The following KDR variants were observed in gnomAD, a reference collection of about 807,000 sequenced individuals.
KDR encodes the protein kinase insert domain receptor, also known as vascular endothelial growth factor receptor 2.
Under a neutral mutation model 160.9 loss-of-function variants are expected in KDR, and 43 were observed. That is an observed-to-expected ratio of 0.27 (90% CI 0.21 to 0.34). KDR has a LOEUF of 0.34. Ranked by LOEUF, KDR falls within the 10% of genes least tolerant of loss-of-function variation. The pLI is 1.00. For synonymous variants in KDR, 617 were observed against 600.1 expected, an observed-to-expected ratio of 1.03 and a Z score of -0.41; for missense variants, 1,469 against 1,666.4, an observed-to-expected ratio of 0.88 and a Z score of 2.06.
intron 27 of KDR, among the ~76,000 whole-genome samples, chr4:55,085,348 A>T (rs1034083179): frequency 6.6e-6 from 1 of 152,234 alleles, no homozygotes; most frequent in Non-Finnish European, 1.5e-5. Context: ...TTAAAGGGGC[A>T]ACAAATCATG....
At position 55,081,624 on chromosome 4, in the gene KDR, G is replaced by C. The variant is rs141635656; in HGVS notation, c.3848+332C>G. ...TTAAAAATTCTTCAGAGTCCACAAA[G>C]ATTGTAATCATATTGACAGCTTTAC... is the stretch of plus-strand genomic sequence containing the variant. On this transcript the variant is annotated intron_variant, in intron 29 of 29. Coordinates refer to ENST00000263923, the MANE Select transcript of KDR (RefSeq NM_002253.4). 2.0e-5 allele frequency among the ~76,000 whole-genome samples: 3 copies of C among 152,246 alleles called. No homozygotes were observed. The East Asian group carries it at 5.8e-4, about 29-fold the overall frequency.
At chr4:55,106,004 GTC>G (rs1720438191) in intron 11 of KDR, 64 bp from the exon 12 acceptor site, 1 of 981,482 alleles carries the variant, frequency 1.0e-6, no homozygotes, top group African/African-American at 1.6e-5. Context: ...CAAGCACTCA[GTC>G]CAGCAGTCTC....
Position 55,102,348 on chromosome 4 carries a change from C to CA in KDR, c.2134+13dup, listed in dbSNP as rs749739436. 7 of 1,613,018 alleles carry CA rather than the reference C, an allele frequency of 4.3e-6. No homozygotes were observed. In the East Asian group the frequency reaches 1.6e-4, roughly 36 times the overall value. On this transcript the variant is annotated intron_variant, in intron 14 of 29. Coordinates refer to ENST00000263923, the MANE Select transcript of KDR (RefSeq NM_002253.4). ...AGTTCTGCAACCCAAGAGTGATAGC[C>CA]AAATTCTATTTACCTGAGTCTTCTA...
At chr4:55,091,819 T>C (rs1720025138) in intron 22 of KDR, among the ~76,000 whole-genome samples, 1 of 152,222 alleles carries the variant, frequency 6.6e-6, no homozygotes, top group Admixed American at 6.5e-5. Context: ...TTACACCTTT[T>C]ATCCTTTCCA....
chr4:55,084,077 T>C (rs1719801555), intron 27 of KDR, among the ~76,000 whole-genome samples: 1 of 152,168 alleles, frequency 6.6e-6, no homozygotes, highest in African/African-American at 2.4e-5. Context: ...GGTACCTCTC[T>C]AGGGGTGAGT....
At chr4:55,101,168 T>C (rs1720301977) in intron 15 of KDR, among the ~76,000 whole-genome samples, 1 of 152,156 alleles carries the variant, frequency 6.6e-6, no homozygotes, top group African/African-American at 2.4e-5. Context: ...CTAATGTTTT[T>C]CCAAATAAAT....
intron 26 of KDR, 105 bp from the exon 27 acceptor site, chr4:55,087,863 G>T: frequency 9.9e-7 from 1 of 1,009,256 alleles, no homozygotes; most frequent in Non-Finnish European, 1.6e-6. Context: ...TAGGGTGTGT[G>T]GCTTTCATAT....
In KDR at chr4:55,094,792, T is replaced by A. The variant is rs1342115056; in HGVS notation, c.2971+10A>T. 4 of 1,611,898 alleles carry A rather than the reference T, an allele frequency of 2.5e-6. No homozygotes were observed. In the African/African-American group the frequency reaches 4.0e-5, roughly 16 times the overall value. ...GCATGCCATAGCATGCAGGAAGCAC[T>A]AGCCAGTACCTTCCTCTTCTTCTAC... On this transcript the variant is annotated intron_variant, in intron 21 of 29. Transcript: ENST00000263923.
At chr4:55,106,647 AAG>A (rs771411932) in intron 11 of KDR, 38 bp downstream of exon 11, 29 of 1,391,032 alleles carry the variant, frequency 2.1e-5, no homozygotes, top group African/African-American at 4.3e-5. Context: ...CCTTCCATTA[AAG>A]AGAGAGAGAT....
At chr4:55,096,383 A>G in intron 18 of KDR, 41 bp from the exon 19 acceptor site, 1 of 1,334,332 alleles carries the variant, frequency 7.5e-7, no homozygotes, top group South Asian at 1.2e-5. Flanking sequence ...AGGTATGGAC[A>G]TTTCCTTCAA....
chr4:55,104,638 C>T lies in KDR; in HGVS notation c.1987+5G>A, dbSNP rs1363381040. 1.9e-6 allele frequency: 3 copies of T among 1,612,024 alleles called. No individual in the cohort carries two copies. Among genetic ancestry groups the T allele is most frequent in the Non-Finnish European group, 2.5e-6 (3 of 1,178,624 alleles). ...CTGCACAATGATCCAGAATTGTCTCCCTACCTAGGACTGTGAGCTGCCTGA... is the reference window on the plus strand; with the variant it reads ...CTGCACAATGATCCAGAATTGTCTCTCTACCTAGGACTGTGAGCTGCCTGA... On this transcript the variant is annotated splice_donor_5th_base_variant and intron_variant, in intron 13 of 29. Transcript: ENST00000263923.
intron 18 of KDR, 172 bp from the exon 19 acceptor site, chr4:55,096,514 C>T: frequency 1.7e-6 from 1 of 590,440 alleles, no homozygotes; most frequent in South Asian, 2.2e-5. Flanking sequence ...ATTCTATTTT[C>T]TAATTTGAAA....
intron 5 of KDR, 116 bp downstream of exon 5, chr4:55,114,758 C>CA: frequency 2.2e-6 from 2 of 913,130 alleles, no homozygotes; most frequent in South Asian, 2.9e-5. Context: ...AATTGCCCAA[C>CA]ACCATATCCT....
At position 55,096,171 on chromosome 4, in the gene KDR, AAC is replaced by A. The variant is rs1212887811; in HGVS notation, c.2728+56_2728+57del. On this transcript the variant is annotated intron_variant, in intron 19 of 29. Coordinates refer to ENST00000263923, the MANE Select transcript of KDR (RefSeq NM_002253.4). ...CAGAGGAGTTGACTGCTTTCCCTCA[AAC>A]ACTATCAGAGAGGCATGTTAAAATT... is the stretch of plus-strand genomic sequence containing the variant. The A allele has an allele frequency of 6.4e-6, 6 of 932,480 alleles. 1 individual carries two copies. In the African/African-American group the frequency reaches 8.1e-5, roughly 13 times the overall value. The allele number at this position is 932,480 out of a possible 1,614,324, so 57.8% of individuals were successfully genotyped here.
At chr4:55,081,845 C>A in intron 29 of KDR, 111 bp downstream of exon 29, 1 of 702,520 alleles carries the variant, frequency 1.4e-6, no homozygotes, top group Non-Finnish European at 2.6e-6. Context: ...ATGCTAATTT[C>A]TCCAACCAAC....
intron 15 of KDR, among the ~76,000 whole-genome samples, chr4:55,101,364 C>T (rs933712891): frequency 6.6e-6 from 1 of 152,188 alleles, no homozygotes; most frequent in Non-Finnish European, 1.5e-5. Context: ...TACATACTCA[C>T]TGAGAAAATT....
rs1236976550 is a variant in KDR at position 55,101,959 on chromosome 4, T to C, written c.2204A>G (p.Tyr735Cys). 1 of 1,613,778 alleles carries C rather than the reference T, an allele frequency of 6.2e-7. No homozygotes were observed. Residue 735 changes from tyrosine to cysteine, a missense_variant, in exon 15 of 30, where the codon TAC becomes TGC. Tyr to Cys is a radical substitution (Grantham distance 194, BLOSUM62 -2). Transcript: ENST00000263923. ...AAGAACACTGCATGCCTGGCAGGTG[T>C]AGAGGCCTTCGTCCTCCTTCCTCAC... ...RRVRKEDEGL[Y>C]TCQACSVLGC... is the part of the protein sequence containing the mutation.
chr4:55,123,735 G>A (rs1361432989), intron 1 of KDR, among the ~76,000 whole-genome samples: 1 of 152,092 alleles, frequency 6.6e-6, no homozygotes, highest in Non-Finnish European at 1.5e-5. Flanking sequence ...GCCCTTCTAT[G>A]TTCAAATCCC....
At chr4:55,092,361 A>G (rs1720040183) in intron 22 of KDR, 3 of 482,954 alleles carry the variant, frequency 6.2e-6, no homozygotes, top group Middle Eastern at 6.0e-4. Context: ...TGTTCACCAC[A>G]GTATCCTCAG....
Sources: gnomAD v4.1 joint callset for allele counts (sites outside exome capture counted in the v4.1 genomes callset) on GRCh38, gnomAD v4.1.1 for gene constraint, MANE v1.5 for transcripts, NCBI Gene and HGNC (gene_info 2026-07-23, HGNC 2026-07-21) for gene names.